Variants in LHFPL2 observed in about 807,000 individuals in gnomAD.
LHFPL2 encodes LHFPL tetraspan subfamily member 2 protein.
In LHFPL2, 7 loss-of-function variants were observed where a neutral mutation model predicts 17.5. The observed-to-expected ratio is 0.40, with a 90% confidence interval of 0.23 to 0.75. The LOEUF is 0.75. LHFPL2 is among the 30% of genes least tolerant of loss of function. The pLI is 0.37. For synonymous variants in LHFPL2, 134 were observed against 116.2 expected, an observed-to-expected ratio of 1.15 and a Z score of -0.99; for missense variants, 241 against 294.8, an observed-to-expected ratio of 0.82 and a Z score of 1.34.
At chr5:78,584,990 G>C (rs1199660585) in intron 2 of LHFPL2, among the ~76,000 whole-genome samples, 2 of 108,708 alleles carry the variant, frequency 1.8e-5, no homozygotes, top group African/African-American at 6.9e-5. Flanking sequence ...CTCCTGGTGC[G>C]CTGTGTTTTT....
In LHFPL2 at chr5:78,621,239, G is replaced by A. The variant is rs377334030; in HGVS notation, c.-245+11025C>T. Among the ~76,000 whole-genome samples, 13 of 152,282 alleles carry A rather than the reference G, an allele frequency of 8.5e-5. No individual in the cohort carries two copies. The East Asian group carries it at 2.1e-3, about 25-fold the overall frequency. On this transcript the variant is annotated intron_variant, in intron 2 of 4. Coordinates refer to ENST00000380345, the MANE Select transcript of LHFPL2 (RefSeq NM_005779.3). ...GGTCCTCCGTTTCTTAAGATAATGA[G>A]CTGAAATGTTTATGCATGGATGCAG...
chr5:78,632,971 G>A (rs1308095310), intron 1 of LHFPL2, among the ~76,000 whole-genome samples: 2 of 152,198 alleles, frequency 1.3e-5, no homozygotes, highest in Non-Finnish European at 2.9e-5. Flanking sequence ...CAAGGACACA[G>A]TTCACAAAAG....
In LHFPL2 at chr5:78,564,802, C is replaced by T. The variant is rs1227413506; in HGVS notation, c.-186+11G>A. 1.3e-5 allele frequency: 2 copies of T among 152,164 alleles called. No individual in the cohort carries two copies. Among genetic ancestry groups the T allele is most frequent in the Non-Finnish European group, 2.9e-5 (2 of 68,042 alleles). The allele number at this position is 152,164 out of a possible 1,614,324, so 9.4% of individuals were successfully genotyped here. ...CACCAACAATAAGGTCATGTGATTT[C>T]ATTTACTTACCTATTTATATCTGTA... On this transcript the variant is annotated intron_variant, in intron 3 of 4. Coordinates refer to ENST00000380345, the MANE Select transcript of LHFPL2 (RefSeq NM_005779.3).
intron 3 of LHFPL2, among the ~76,000 whole-genome samples, chr5:78,515,963 G>C (rs542148544): frequency 1.3e-5 from 2 of 152,258 alleles, no homozygotes; most frequent in African/African-American, 2.4e-5. Context: ...GAAACCAGCT[G>C]TTCTCCCAGC....
chr5:78,648,362 G>A lies in LHFPL2; in HGVS notation c.-350+137C>T, dbSNP rs1313925553. The A allele has an allele frequency of 6.6e-6, 1 of 151,954 alleles. No individual in the cohort carries two copies. The highest frequency in any genetic ancestry group is 1.9e-4 in the East Asian group (1 of 5,156). 9.4% of individuals were successfully genotyped at this position (151,954 alleles called of 1,614,324 possible). A position where few individuals can be genotyped will look rare whatever the true frequency, so the allele number is the denominator to read the frequency against. ...CCCAGGGCGCCGAAGCGAAGTTCCCGCGCCAGCCGCGGCTCAAGCAGCCAG... is the reference window on the plus strand; with the variant it reads ...CCCAGGGCGCCGAAGCGAAGTTCCCACGCCAGCCGCGGCTCAAGCAGCCAG... On this transcript the variant is annotated intron_variant, in intron 1 of 4. Transcript: ENST00000380345. The surrounding 1 kb of genome is among the most constrained non-coding windows in gnomAD (Gnocchi z 5.4).
intron 3 of LHFPL2, among the ~76,000 whole-genome samples, chr5:78,541,789 T>C (rs1221022522): frequency 6.6e-6 from 1 of 152,234 alleles, no homozygotes; most frequent in East Asian, 1.9e-4. Flanking sequence ...CAGACTTGCA[T>C]GGCAGGAAAA....
At chr5:78,517,585 C>T (rs1204998186) in intron 3 of LHFPL2, among the ~76,000 whole-genome samples, 5 of 152,172 alleles carry the variant, frequency 3.3e-5, no homozygotes, top group Admixed American at 6.5e-5. Flanking sequence ...AGCAAAGGTA[C>T]ACCTTACATG....
intron 4 of LHFPL2, among the ~76,000 whole-genome samples, chr5:78,495,115 G>A (rs1754564427): frequency 6.6e-6 from 1 of 152,228 alleles, no homozygotes; most frequent in Non-Finnish European, 1.5e-5. Context: ...GTTTGGGGAA[G>A]GCTAGATGTT....
intron 2 of LHFPL2, among the ~76,000 whole-genome samples, chr5:78,565,136 C>T (rs978260420): frequency 2.0e-5 from 3 of 152,184 alleles, no homozygotes; most frequent in Admixed American, 6.5e-5. Context: ...CTAATTACAT[C>T]GTTTCCTTTC....
chr5:78,544,662 A>G (rs898705505), intron 3 of LHFPL2, among the ~76,000 whole-genome samples: 2 of 152,096 alleles, frequency 1.3e-5, no homozygotes, highest in African/African-American at 4.8e-5. Context: ...CAGCAGTTTT[A>G]AAGTGACTCA....
chr5:78,626,184 T>A (rs1265332560), intron 2 of LHFPL2: 1 of 152,210 alleles, frequency 6.6e-6, no homozygotes, highest in East Asian at 1.9e-4. Flanking sequence ...GAAATCTGGT[T>A]CCTTCAGATC....
At chr5:78,599,218 TACTTTGTTAGAGACG>T (rs779757252) in intron 2 of LHFPL2, among the ~76,000 whole-genome samples, 5 of 152,142 alleles carry the variant, frequency 3.3e-5, no homozygotes, top group Non-Finnish European at 5.9e-5. Context: ...ATGTAAATTG[TACTTTGTTAGAGACG>T]ACCATGATTA....
In LHFPL2 at chr5:78,511,105, G is replaced by GA. The variant is rs11323839; in HGVS notation, c.-185-708dup. 2.6e-3 allele frequency among the ~76,000 whole-genome samples: 385 copies of GA among 148,922 alleles called. 2 individuals are homozygous for GA. The highest frequency in any genetic ancestry group is 0.01 in the Middle Eastern group (3 of 286). On this transcript the variant is annotated intron_variant, in intron 3 of 4. Coordinates refer to ENST00000380345, the MANE Select transcript of LHFPL2 (RefSeq NM_005779.3). ...TTTACACTAATTAAAACTCAGAGGG[G>GA]AAAAAAAAAAAACCTTAAGAGTTCA...
rs907289853 is a variant in LHFPL2, at chr5:78,509,999, C to T, written c.215G>A (p.Gly72Glu). 4.3e-6 allele frequency: 7 copies of T among 1,613,362 alleles called. No homozygotes were observed. Among genetic ancestry groups the T allele is most frequent in the Non-Finnish European group, 5.9e-6 (7 of 1,179,840 alleles). ...CGTGTCCCGCTGGAAGTGCTGCACCCCTGGGTTCCGGATGCAGCGGGCGTA... is the reference window on the plus strand; with the variant it reads ...CGTGTCCCGCTGGAAGTGCTGCACCTCTGGGTTCCGGATGCAGCGGGCGTA... ...GIYARCIRNP[G>E]VQHFQRDTLC... Residue 72 changes from glycine (G) to glutamate (E), a missense_variant, in exon 4 of 5, where the codon GGG becomes GAG. Coordinates refer to ENST00000380345, the MANE Select transcript of LHFPL2 (RefSeq NM_005779.3).
In LHFPL2 at chr5:78,551,074, G is replaced by A. The variant is rs571149935; in HGVS notation, c.-186+13739C>T. 1.1e-4 allele frequency among the ~76,000 whole-genome samples: 16 copies of A among 152,204 alleles called. No individual in the cohort carries two copies. In the South Asian group the frequency reaches 3.3e-3, roughly 32 times the overall value. ...CAAAACATCCTACCATTCCTTCTTG[G>A]GTGTCAAATATTTTTAAACCCTTTT... On this transcript the variant is annotated intron_variant, in intron 3 of 4. Coordinates refer to ENST00000380345, the MANE Select transcript of LHFPL2 (RefSeq NM_005779.3).
chr5:78,604,414 T>C lies in LHFPL2; in HGVS notation c.-245+27850A>G, dbSNP rs1052311893. ...ATGGCTTGAACCCGGGAGGCGGAGGTTGCAGCGAGCTGAGATCATGCCACT... is the reference window on the plus strand; with the variant it reads ...ATGGCTTGAACCCGGGAGGCGGAGGCTGCAGCGAGCTGAGATCATGCCACT... On this transcript the variant is annotated intron_variant, in intron 2 of 4. Transcript: ENST00000380345. Among the ~76,000 whole-genome samples, 10 of 152,086 alleles carry C rather than the reference T, an allele frequency of 6.6e-5. 1 individual carries two copies. Among genetic ancestry groups the C allele is most frequent in the Admixed American group, 4.6e-4 (7 of 15,278 alleles).
intron 2 of LHFPL2, among the ~76,000 whole-genome samples, chr5:78,631,533 T>C (rs752467844): frequency 1.3e-5 from 2 of 152,240 alleles, no homozygotes; most frequent in Non-Finnish European, 2.9e-5. Flanking sequence ...AAGCTCACCA[T>C]GACAAGTCCA....
chr5:78,541,013 G>T (rs1168939642), intron 3 of LHFPL2, among the ~76,000 whole-genome samples: 1 of 152,174 alleles, frequency 6.6e-6, no homozygotes, highest in East Asian at 1.9e-4. Flanking sequence ...CACAGCCTGA[G>T]GTCTCCATGA....
rs567031183 is a variant in LHFPL2 at position 78,569,648 on chromosome 5, G to T, written c.-244-4777C>A. On this transcript the variant is annotated intron_variant, in intron 2 of 4. Coordinates refer to ENST00000380345, the MANE Select transcript of LHFPL2 (RefSeq NM_005779.3). ...ATGAGAGTGTCGAGTTTCATGAACC[G>T]TCTACCAAGCACAGAAAGTGGCAGC... Among the ~76,000 whole-genome samples, 92 of 152,262 alleles carry T rather than the reference G, an allele frequency of 6.0e-4. No homozygotes were observed. In the Middle Eastern group the frequency reaches 0.01, roughly 17 times the overall value.
Sources: gnomAD v4.1 joint callset for allele counts (sites outside exome capture counted in the v4.1 genomes callset) on GRCh38, gnomAD v4.1.1 for gene constraint, Gnocchi (gnomAD v3.1) non-coding constraint, MANE v1.5 for transcripts, NCBI Gene and HGNC (gene_info 2026-07-23, HGNC 2026-07-21) for gene names.